MT4: variants seen among roughly 807,000 people sequenced by gnomAD.
MT4 encodes the protein metallothionein-4.
Under a neutral mutation model 9.5 loss-of-function variants are expected in MT4, and 11 were observed. That is an observed-to-expected ratio of 1.16 (90% CI 0.73 to 1.92). MT4 has a LOEUF of 1.92. Ranked by LOEUF, MT4 falls within the 30% of genes most tolerant of loss-of-function variation. The pLI, the probability that MT4 is intolerant of heterozygous loss-of-function variation, is 0.00. For synonymous variants in MT4, 29 were observed against 24.6 expected, an observed-to-expected ratio of 1.18 and a Z score of -0.53; for missense variants, 88 against 78.7, an observed-to-expected ratio of 1.12 and a Z score of -0.45.
intron 2 of MT4, among the ~76,000 whole-genome samples, chr16:56,568,043 C>T (rs528862677): frequency 7.2e-5 from 11 of 151,798 alleles, no homozygotes; most frequent in Admixed American, 6.6e-4. Context: ...ATCCCAGCTA[C>T]TCAGGAGGCT....
intron 1 of MT4, 50 bp from the exon 2 acceptor site, chr16:56,567,701 C>T: frequency 6.4e-7 from 1 of 1,557,036 alleles, no homozygotes; most frequent in Non-Finnish European, 8.9e-7. Flanking sequence ...CTTATGTTCC[C>T]CACTCCATCT....
intron 2 of MT4, 84 bp from the exon 3 acceptor site, chr16:56,568,757 T>C: frequency 2.1e-6 from 2 of 944,044 alleles, no homozygotes; most frequent in East Asian, 2.7e-5. Context: ...CCTCTTTTCC[T>C]ACTTCCTCTA....
chr16:56,565,416 C>T (rs1959504278), intron 1 of MT4, among the ~76,000 whole-genome samples: 2 of 152,204 alleles, frequency 1.3e-5, no homozygotes, highest in African/African-American at 2.4e-5. Flanking sequence ...GTCTTTCTAG[C>T]GTTGGCCCCT....
At chr16:56,566,696 GAAAGAGAAAGAA>G (rs1462410224) in intron 1 of MT4, among the ~76,000 whole-genome samples, 6 of 107,996 alleles carry the variant, frequency 5.6e-5, no homozygotes, top group Admixed American at 1.1e-4. Context: ...AAGAAAGAAA[GAAAGAGAAAGAA>G]AGAAAGAAAG....
chr16:56,568,231 GAAAGAA>G (rs1959568592), intron 2 of MT4, among the ~76,000 whole-genome samples: 1 of 34,344 alleles, frequency 2.9e-5, no homozygotes, highest in South Asian at 1.1e-3. Context: ...AAGAAAGAAA[GAAAGAA>G]AGAAAGAAAG....
intron 2 of MT4, among the ~76,000 whole-genome samples, chr16:56,568,150 T>A (rs1959560696): frequency 7.8e-6 from 1 of 128,280 alleles, no homozygotes; most frequent in Non-Finnish European, 1.6e-5. Context: ...TGAAACTCAG[T>A]CAAAAAAGAA....
Position 56,568,812 on chromosome 16 carries a change from C to T in MT4, c.98-29C>T, listed in dbSNP as rs141697630. ...GTGAGATGGAAGTGTTGACCCACAG[C>T]GGATCTGCGCATCTCCTGACTCTTT... On this transcript the variant is annotated intron_variant, in intron 2 of 2. Transcript: ENST00000219162. The T allele has an allele frequency of 9.5e-4, 1,426 of 1,507,762 alleles. 17 individuals carry two copies. The African/African-American group carries it at 0.017, about 18-fold the overall frequency. The allele number at this position is 1,507,762 out of a possible 1,614,324, so 93.4% of individuals were successfully genotyped here.
rs1289206964 is a variant in MT4 at position 56,565,161 on chromosome 16, T to C, written c.31+2T>C. ...CCAGGGAATGTGTCTGCATGTCTGG[T>C]GAGTAAAGAAGCCCTCCCTGGGGTC... is the stretch of plus-strand genomic sequence containing the variant. On this transcript the variant is annotated splice_donor_variant, in intron 1 of 2. Transcript: ENST00000219162. LOFTEE classifies it high-confidence loss of function. 6.2e-6 allele frequency: 10 copies of C among 1,612,286 alleles called. No homozygotes were observed. Among genetic ancestry groups the C allele is most frequent in the Non-Finnish European group, 8.5e-6 (10 of 1,179,272 alleles).
rs1431938721 is a variant in MT4 at position 56,568,859 on chromosome 16, C to T, written c.116C>T (p.Pro39Leu). The T allele has an allele frequency of 6.2e-7, 1 of 1,607,642 alleles. No individual in the cohort carries two copies. Among genetic ancestry groups the T allele is most frequent in the South Asian group, 1.1e-5 (1 of 90,176 alleles). Residue 39 changes from proline to leucine, a missense_variant, in exon 3 of 3, where the codon CCC (proline) becomes CTC (leucine). Physicochemically the swap from Pro to Leu is moderately conservative, Grantham distance 98. Coordinates refer to ENST00000219162, the MANE Select transcript of MT4 (RefSeq NM_032935.3). ...CTTTCAGGCTGCTGTCCCTGCTGCC[C>T]CCCGGGCTGTGCCAAATGTGCCCGG... ...TYWKSCCPCC[P>L]PGCAKCARGC...
chr16:56,568,182 A>T (rs1959561455), intron 2 of MT4, among the ~76,000 whole-genome samples: 1 of 136,358 alleles, frequency 7.3e-6, no homozygotes, highest in East Asian at 2.2e-4. Context: ...GAAGAAAGGA[A>T]GGAAGGAAGG....
Position 56,565,162 on chromosome 16 carries a change from G to A in MT4, c.31+3G>A, listed in dbSNP as rs757927238. ...CAGGGAATGTGTCTGCATGTCTGGT[G>A]AGTAAAGAAGCCCTCCCTGGGGTCT... On this transcript the variant is annotated splice_donor_region_variant and intron_variant, in intron 1 of 2. Coordinates refer to ENST00000219162, the MANE Select transcript of MT4 (RefSeq NM_032935.3). The A allele has an allele frequency of 1.9e-6, 3 of 1,612,008 alleles. No individual in the cohort carries two copies. The Admixed American group carries it at 5.0e-5, about 27-fold the overall frequency.
At chr16:56,566,778 GAAAGAAAGAAAGAAAGAAAGAA>G (rs1567329907) in intron 1 of MT4, among the ~76,000 whole-genome samples, 1 of 25,612 alleles carries the variant, frequency 3.9e-5, no homozygotes, top group Non-Finnish European at 1.2e-4. Flanking sequence ...AGGAAAGAAA[GAAAGAAAGAAAGAAAGAAAGAA>G]AGAAAGAAAG....
At chr16:56,565,375 G>C (rs1050795136) in intron 1 of MT4, among the ~76,000 whole-genome samples, 1 of 152,228 alleles carries the variant, frequency 6.6e-6, no homozygotes, top group Non-Finnish European at 1.5e-5. Context: ...CTAGCTCAGG[G>C]AATGGCTGAG....
intron 2 of MT4, among the ~76,000 whole-genome samples, chr16:56,568,282 A>AAAG (rs1354442319): frequency 1.3e-4 from 17 of 130,422 alleles, no homozygotes; most frequent in Admixed American, 5.1e-4. Context: ...AGAAAGAAAG[A>AAAG]AAGAAAGAAA....
At chr16:56,566,856 A>T (rs1327712414) in intron 1 of MT4, among the ~76,000 whole-genome samples, 4 of 148,572 alleles carry the variant, frequency 2.7e-5, no homozygotes, top group African/African-American at 5.0e-5. Context: ...AGAAAGAAAG[A>T]AATGAGGGAG....
rs1480103343 is a variant in MT4 at position 56,566,801 on chromosome 16, A to T, written c.32-950A>T. On this transcript the variant is annotated intron_variant, in intron 1 of 2. Coordinates refer to ENST00000219162, the MANE Select transcript of MT4 (RefSeq NM_032935.3). Reference sequence around the variant, plus strand: ...AAGAAAGAAAGAAAGAAAGAAAGAAAGAAAGAAAGAAAGAAAGAAAAGAAA... The same window carrying T: ...AAGAAAGAAAGAAAGAAAGAAAGAATGAAAGAAAGAAAGAAAGAAAAGAAA... 4.5e-3 allele frequency among the ~76,000 whole-genome samples: 203 copies of T among 45,534 alleles called. 1 individual carries two copies. The highest frequency in any genetic ancestry group is 0.011 in the African/African-American group (187 of 16,358). 29.9% of individuals were successfully genotyped at this position (45,534 alleles called of 152,430 possible).
chr16:56,566,819 AAAAGAAAGAAAGAAAG>A (rs199947899), intron 1 of MT4, among the ~76,000 whole-genome samples: 612 of 52,304 alleles, frequency 0.012, 19 homozygotes, highest in Middle Eastern at 0.029. Flanking sequence ...AGAAAGAAAG[AAAAGAAAGAAAGAAAG>A]AAAGAAAGAA....
chr16:56,566,844 AAAGAAAGAAAGAAAT>A, intron 1 of MT4, among the ~76,000 whole-genome samples: 1 of 141,120 alleles, frequency 7.1e-6, no homozygotes, highest in African/African-American at 2.5e-5. Context: ...AGAAAGAAAG[AAAGAAAGAAAGAAAT>A]GAGGGAGAGA....
intron 1 of MT4, among the ~76,000 whole-genome samples, chr16:56,566,794 GAAAGAAAGAAAGAAAGAAAGAAAGA>G (rs760383616): frequency 0.087 from 3,739 of 42,928 alleles, 244 homozygotes; most frequent in Admixed American, 0.14. Flanking sequence ...AAGAAAGAAA[GAAAGAAAGAAAGAAAGAAAGAAAGA>G]AAAGAAAGAA....
Sources: gnomAD v4.1 joint callset for allele counts (sites outside exome capture counted in the v4.1 genomes callset) on GRCh38, gnomAD v4.1.1 for gene constraint, MANE v1.5 for transcripts, NCBI Gene and HGNC (gene_info 2026-07-23, HGNC 2026-07-21) for gene names.